The following KAZN variants were observed in gnomAD, a reference collection of about 807,000 sequenced individuals.
KAZN encodes the protein kazrin.
A neutral mutation model predicts 87.4 loss-of-function variants in KAZN; 40 were observed. That is an observed-to-expected ratio of 0.46 (90% CI 0.36 to 0.60). KAZN has a LOEUF of 0.60. KAZN is among the 20% of genes least tolerant of loss of function. The pLI is 0.00. For synonymous variants in KAZN, 466 were observed against 458.3 expected (o/e 1.02, Z -0.22); for missense variants, 898 against 1,073.9 (o/e 0.84, Z 2.29).
intron 8 of KAZN, among the ~76,000 whole-genome samples, chr1:15,091,725 T>C (rs1000542728): frequency 6.6e-6 from 1 of 151,686 alleles, no homozygotes; most frequent in Non-Finnish European, 1.5e-5. Flanking sequence ...TATTCCAACA[T>C]ATGAATGGAG....
At position 14,960,884 on chromosome 1, in the gene KAZN, C is replaced by T. The variant is rs371097456; in HGVS notation, c.418+9C>T. 2.1e-5 allele frequency: 33 copies of T among 1,595,582 alleles called. No homozygotes were observed. Among genetic ancestry groups the T allele is most frequent in the African/African-American group, 1.2e-4 (9 of 74,432 alleles). On this transcript the variant is annotated intron_variant, in intron 2 of 14. Coordinates refer to ENST00000376030, the MANE Select transcript of KAZN (RefSeq NM_201628.3). ...CAAAGAAGCCTTGCAGGGTGAGTGA[C>T]GAGTCAGCAGCAGTTCCTTCGCTGG... is the stretch of plus-strand genomic sequence containing the variant.
At chr1:14,192,988 G>C (rs1210023858) in intron 2 of KAZN, among the ~76,000 whole-genome samples, 1 of 152,142 alleles carries the variant, frequency 6.6e-6, no homozygotes, top group African/African-American at 2.4e-5. Context: ...CATAATCCCT[G>C]TGTGTCAAAA....
chr1:14,654,019 CTCACGCCTG>C (rs1195983302), intron 1 of KAZN, among the ~76,000 whole-genome samples: 1 of 152,192 alleles, frequency 6.6e-6, no homozygotes, highest in African/African-American at 2.4e-5. Flanking sequence ...GGCACGATGG[CTCACGCCTG>C]TCATCCTAAC....
intron 1 of KAZN, among the ~76,000 whole-genome samples, chr1:14,111,986 C>T (rs1011283607): frequency 6.6e-6 from 1 of 152,116 alleles, no homozygotes; most frequent in African/African-American, 2.4e-5. Context: ...GATCCACCCA[C>T]CTCGGCCTCC....
rs1311600103 is a variant in KAZN at position 14,470,255 on chromosome 1, A to G, written c.250-128728A>G. ...GCAGAATATTATGTCAACTAGACTG[A>G]TAAAACATGAAGCAGCCTCCTTAGA... On this transcript the variant is annotated intron_variant, in intron 2 of 16. Coordinates refer to the KAZN transcript ENST00000636203. 3.9e-5 allele frequency among the ~76,000 whole-genome samples: 6 copies of G among 152,218 alleles called. No homozygotes were observed. In the East Asian group the frequency reaches 1.2e-3, roughly 29 times the overall value.
chr1:14,927,729 T>C (rs1341506374), intron 1 of KAZN, among the ~76,000 whole-genome samples: 1 of 152,242 alleles, frequency 6.6e-6, no homozygotes, highest in Non-Finnish European at 1.5e-5. Flanking sequence ...AACCCCGAGC[T>C]CAGAAAGCCA....
intron 2 of KAZN, among the ~76,000 whole-genome samples, chr1:14,468,694 G>C (rs767052390): frequency 1.3e-5 from 2 of 152,232 alleles, no homozygotes; most frequent in African/African-American, 2.4e-5. Flanking sequence ...TGCAGGCAAG[G>C]CACAAAGTTA....
intron 2 of KAZN, among the ~76,000 whole-genome samples, chr1:15,034,041 C>G (rs1486709626): frequency 2.0e-5 from 3 of 152,158 alleles, no homozygotes; most frequent in African/African-American, 7.2e-5. Context: ...CACCTGACTT[C>G]CTGTTTAAAT....
At chr1:14,191,175 T>C (rs1029689232) in intron 2 of KAZN, among the ~76,000 whole-genome samples, 1 of 152,180 alleles carries the variant, frequency 6.6e-6, no homozygotes, top group Non-Finnish European at 1.5e-5. Flanking sequence ...ATGTTATGGT[T>C]ATATTTGGCT....
chr1:14,678,256 A>C (rs2148753532), intron 1 of KAZN, among the ~76,000 whole-genome samples: 1 of 152,322 alleles, frequency 6.6e-6, no homozygotes, highest in African/African-American at 2.4e-5. Context: ...AGGCAGAAGA[A>C]GGTGGAAGAA....
At chr1:14,508,058 A>ACC (rs139377788) in intron 2 of KAZN, among the ~76,000 whole-genome samples, 52 of 151,588 alleles carry the variant, frequency 3.4e-4, no homozygotes, top group African/African-American at 1.2e-3. Flanking sequence ...AATTCTTGTG[A>ACC]CCCCCCAGTA....
At chr1:14,511,388 A>G (rs986506066) in intron 2 of KAZN, among the ~76,000 whole-genome samples, 1 of 152,204 alleles carries the variant, frequency 6.6e-6, no homozygotes, top group Non-Finnish European at 1.5e-5. Flanking sequence ...GCCAGCCCCA[A>G]TCACTTCAGG....
intron 1 of KAZN, among the ~76,000 whole-genome samples, chr1:14,129,451 G>A (rs1644944763): frequency 6.6e-6 from 1 of 152,260 alleles, no homozygotes; most frequent in Non-Finnish European, 1.5e-5. Context: ...TAAATGGGAT[G>A]TGAAAGGCCA....
At chr1:14,890,759 G>T (rs747289230) in intron 1 of KAZN, among the ~76,000 whole-genome samples, 16 of 150,420 alleles carry the variant, frequency 1.1e-4, no homozygotes, top group Middle Eastern at 7.1e-3. Context: ...AAACTCCTAC[G>T]CTCAAGTAAT....
chr1:14,715,236 G>A (rs1486039751), intron 1 of KAZN, among the ~76,000 whole-genome samples: 1 of 152,324 alleles, frequency 6.6e-6, no homozygotes, highest in Non-Finnish European at 1.5e-5. Flanking sequence ...GGCCCTAACA[G>A]TGCAGCCCCA....
chr1:14,639,215 A>G (rs1475893468), intron 1 of KAZN, among the ~76,000 whole-genome samples: 3 of 152,180 alleles, frequency 2.0e-5, no homozygotes, highest in African/African-American at 7.2e-5. Context: ...TCCAGCAGAC[A>G]GAAGCCAGAG....
At chr1:15,017,924 T>C (rs1190586915) in intron 2 of KAZN, among the ~76,000 whole-genome samples, 1 of 152,194 alleles carries the variant, frequency 6.6e-6, no homozygotes, top group Non-Finnish European at 1.5e-5. Context: ...CTAAGAGTAG[T>C]GAGTTCTCCA....
At position 15,114,750 on chromosome 1, in the gene KAZN, G is replaced by A; in HGVS notation, c.*115G>A. ...CGGCCGCAGGCTGAGGATGTCCCTT[G>A]CTCCTGGGCAAAATCCCGATGGACT... On this transcript the variant is annotated 3_prime_UTR_variant, in exon 15 of 15. Coordinates refer to ENST00000376030, the MANE Select transcript of KAZN (RefSeq NM_201628.3). 9.3e-7 allele frequency: 1 copy of A among 1,074,538 alleles called. No homozygotes were observed. The highest frequency in any genetic ancestry group is 1.3e-6 in the Non-Finnish European group (1 of 760,128). 66.6% of individuals were successfully genotyped at this position (1,074,538 alleles called of 1,614,324 possible). A position where few individuals can be genotyped will look rare whatever the true frequency, so the allele number is the denominator to read the frequency against.
intron 2 of KAZN, among the ~76,000 whole-genome samples, chr1:14,977,242 C>T (rs1179917838): frequency 1.3e-5 from 2 of 152,184 alleles, no homozygotes; most frequent in Admixed American, 1.3e-4. Flanking sequence ...CAGGATTGCT[C>T]CTGTCCCCGC....
Sources: gnomAD v4.1 joint callset for allele counts (sites outside exome capture counted in the v4.1 genomes callset) on GRCh38, gnomAD v4.1.1 for gene constraint, MANE v1.5 for transcripts, NCBI Gene and HGNC (gene_info 2026-07-23, HGNC 2026-07-21) for gene names.